FAN1: variants seen among roughly 807,000 people sequenced by gnomAD.
The protein encoded by FAN1 is FANCD2 and FANCI associated nuclease 1.
FAN1 carries 91 observed loss-of-function variants against 104.9 expected under a neutral mutation model. The ratio of observed to expected loss-of-function variants is 0.87; its 90% CI spans 0.73 to 1.03. The LOEUF (loss-of-function observed/expected upper bound fraction) is 1.03. Among genes scored for constraint, FAN1 ranks in the 50% least tolerant of loss-of-function variants. The probability of loss-of-function intolerance (pLI) is 0.00; values close to 1 mark genes in which losing one functional copy is unlikely to be tolerated. For synonymous variants in FAN1, 478 were observed against 457.6 expected, an observed-to-expected ratio of 1.04 and a Z score of -0.57; for missense variants, 1,263 against 1,239.9, an observed-to-expected ratio of 1.02 and a Z score of -0.28.
chr15:30,925,900 C>G lies in FAN1; in HGVS notation c.2449C>G (p.Leu817Val), dbSNP rs1161081580. The change falls in exon 10 of 15, where the codon CTG (leucine) becomes GTG (valine). Residue 817 changes from leucine to valine, a missense_variant. Leu to Val is a conservative substitution (Grantham distance 32). Transcript: ENST00000362065. ...CACGGTCCTGTGCTCTGTGGAGGAG[C>G]TGGCACTGGCCCATTACAGACGCAG... ...PTTVLCSVEE[L>V]ALAHYRRSGF... 6.2e-7 allele frequency: 1 copy of G among 1,614,230 alleles called. No individual in the cohort carries two copies. Among genetic ancestry groups the G allele is most frequent in the Admixed American group, 1.7e-5 (1 of 60,036 alleles).
At chr15:30,939,729 G>A (rs1355408821) in intron 14 of FAN1, 1 of 980,724 alleles carries the variant, frequency 1.0e-6, no homozygotes, top group Admixed American at 6.2e-5. Flanking sequence ...TAATAAAAAA[G>A]CAGCTAAATG....
chr15:30,925,758 G>A, intron 9 of FAN1, 31 bp from the exon 10 acceptor site: 2 of 1,612,738 alleles, frequency 1.2e-6, no homozygotes, highest in Non-Finnish European at 1.7e-6. Flanking sequence ...CTGACCTGAG[G>A]CTAATAGATG....
At chr15:30,941,129 TGCTGCCTGGG>T (rs2063033276) in intron 14 of FAN1, 1 of 1,271,674 alleles carries the variant, frequency 7.9e-7, no homozygotes, top group Non-Finnish European at 1.0e-6. Flanking sequence ...TCCTGTTGTC[TGCTGCCTGGG>T]GCTGCTAATG....
At chr15:30,913,711 C>T in intron 4 of FAN1, 147 bp from the exon 5 acceptor site, 1 of 616,542 alleles carries the variant, frequency 1.6e-6, no homozygotes, top group Non-Finnish European at 2.8e-6. Flanking sequence ...CCTGGGTGAG[C>T]TCTCAGCCCC....
rs775719486 is a variant in FAN1 at position 30,910,801 on chromosome 15, A to C, written c.1563A>C (p.Ala521=). 7 of 1,613,680 alleles carry C rather than the reference A, an allele frequency of 4.3e-6. No homozygotes were observed. Among genetic ancestry groups the C allele is most frequent in the Non-Finnish European group, 5.9e-6 (7 of 1,179,802 alleles). Reference sequence around the variant, plus strand: ...GCAAGAATAAGCCTGGAATTGGTGCAGTGATTTTAAAAAGGTTTTGTTGGC... The same window carrying C: ...GCAAGAATAAGCCTGGAATTGGTGCCGTGATTTTAAAAAGGTTTTGTTGGC... ...TWGKNKPGIG[A]VILKRAKALA... The change falls in exon 4 of 15, where the codon GCA becomes GCC. Residue 521 remains alanine (A), a synonymous_variant. Coordinates refer to ENST00000362065, the MANE Select transcript of FAN1 (RefSeq NM_014967.5).
Position 30,904,876 on chromosome 15 carries a change from A to G in FAN1, c.213A>G (p.Gln71=). Residue 71 remains glutamine, a synonymous_variant, in exon 2 of 15, where the codon CAA becomes CAG. Coordinates refer to ENST00000362065, the MANE Select transcript of FAN1 (RefSeq NM_014967.5). ...TGTGTGCTAACAATGACTTCGTTCA[A>G]GTGGATCCAGGGCAGGTTGGCTTAA... ...DEMCANNDFV[Q]VDPGQVGLIN... 1 of 1,613,794 alleles carries G rather than the reference A, an allele frequency of 6.2e-7. No homozygotes were observed. Among genetic ancestry groups the G allele is most frequent in the Non-Finnish European group, 8.5e-7 (1 of 1,179,734 alleles).
rs371260170 is a variant in FAN1 at position 30,941,806 on chromosome 15, G to A, written c.*244G>A. The A allele has an allele frequency of 1.4e-5, 23 of 1,613,898 alleles. No homozygotes were observed. The highest frequency in any genetic ancestry group is 9.3e-5 in the African/African-American group (7 of 74,926). ...AGCCACCCAGGCTGATCTGGGCCTC[G>A]GGAACCCAGCGGAAGTAGCACAGTT... On this transcript the variant is annotated 3_prime_UTR_variant, in exon 15 of 15. Transcript: ENST00000362065.
At chr15:30,941,164 A>C in intron 14 of FAN1, 1 of 1,319,448 alleles carries the variant, frequency 7.6e-7, no homozygotes, top group Non-Finnish European at 9.9e-7. Context: ...TGACTATCAG[A>C]TAGCCTTCAG....
In FAN1 at chr15:30,925,222, T is replaced by A; in HGVS notation, c.2268T>A (p.Ser756=). 6.2e-7 allele frequency: 1 copy of A among 1,614,060 alleles called. No homozygotes were observed. Among genetic ancestry groups the A allele is most frequent in the Non-Finnish European group, 8.5e-7 (1 of 1,180,026 alleles). ...LYQRAVRLRE[S]PSCKKFKHLF... Reference sequence around the variant, plus strand: ...AGCGAGCCGTGCGCCTGCGAGAGTCTCCGAGCTGTAAAAAGTTCAAGCACC... The same window carrying A: ...AGCGAGCCGTGCGCCTGCGAGAGTCACCGAGCTGTAAAAAGTTCAAGCACC... Residue 756 remains serine (S), a synonymous_variant, in exon 9 of 15, where the codon TCT becomes TCA. Coordinates refer to ENST00000362065, the MANE Select transcript of FAN1 (RefSeq NM_014967.5).
At chr15:30,936,355 A>AG (rs1326482167) in intron 13 of FAN1, among the ~76,000 whole-genome samples, 1 of 152,182 alleles carries the variant, frequency 6.6e-6, no homozygotes, top group Admixed American at 6.5e-5. Context: ...AACAGCAAGT[A>AG]GCAAGTGGAA....
chr15:30,935,845 T>G (rs950683592), intron 13 of FAN1, among the ~76,000 whole-genome samples: 7 of 152,248 alleles, frequency 4.6e-5, no homozygotes. Flanking sequence ...ATCTTTTTTT[T>G]TCCTCTGGCT....
In FAN1 at chr15:30,929,936, A is replaced by G. The variant is rs1205735268; in HGVS notation, c.2787+539A>G. Among the ~76,000 whole-genome samples, 144 of 117,664 alleles carry G rather than the reference A, an allele frequency of 1.2e-3. 1 individual carries two copies. The highest frequency in any genetic ancestry group is 2.0e-3 in the Non-Finnish European group (127 of 62,046). The allele number at this position is 117,664 out of a possible 152,430, so 77.2% of individuals were successfully genotyped here. ...TAATATATATCATATATAATATATA[A>G]AATATATAATATAATATATATCATA... On this transcript the variant is annotated intron_variant, in intron 12 of 14. Coordinates refer to ENST00000362065, the MANE Select transcript of FAN1 (RefSeq NM_014967.5).
At position 30,904,933 on chromosome 15, in the gene FAN1, C is replaced by T; in HGVS notation, c.270C>T (p.Thr90=). 1 of 1,613,980 alleles carries T rather than the reference C, an allele frequency of 6.2e-7. No homozygotes were observed. Among genetic ancestry groups the T allele is most frequent in the Non-Finnish European group, 8.5e-7 (1 of 1,180,002 alleles). The change falls in exon 2 of 15, where the codon ACC becomes ACT. Residue 90 remains threonine (T), a synonymous_variant. Transcript: ENST00000362065. ...CAAATGTGTCTATGGTAGATTTAAC[C>T]AGTGTTACCTTAGAAGATGTAACAC... ...INSNVSMVDL[T]SVTLEDVTPK...
intron 4 of FAN1, chr15:30,911,065 T>C (rs2062091065): frequency 1.6e-6 from 2 of 1,225,922 alleles, no homozygotes; most frequent in Non-Finnish European, 2.0e-6. Flanking sequence ...TGGTAAATTG[T>C]AGTATTTTAT....
At chr15:30,936,950 G>C (rs2062871784) in intron 13 of FAN1, among the ~76,000 whole-genome samples, 169 bp from the exon 14 acceptor site, 1 of 152,092 alleles carries the variant, frequency 6.6e-6, no homozygotes, top group Non-Finnish European at 1.5e-5. Flanking sequence ...AAAATCCTAA[G>C]GTGAACCATT....
chr15:30,926,675 A>C, intron 10 of FAN1: 1 of 985,398 alleles, frequency 1.0e-6, no homozygotes, highest in South Asian at 4.7e-5. Flanking sequence ...GTAGGCCTGA[A>C]ATGGTTAGAA....
chr15:30,929,488 G>A (rs2062558626), intron 12 of FAN1, 91 bp downstream of exon 12: 10 of 859,770 alleles, frequency 1.2e-5, no homozygotes, highest in African/African-American at 3.6e-5. Flanking sequence ...ATACACATGT[G>A]TGTATATGTA....
intron 12 of FAN1, among the ~76,000 whole-genome samples, chr15:30,929,949 A>G (rs1481627241): frequency 8.3e-6 from 1 of 120,424 alleles, no homozygotes; most frequent in Middle Eastern, 3.9e-3. Flanking sequence ...TATATAATAT[A>G]ATATATATCA....
At chr15:30,925,339 G>GT in intron 9 of FAN1, 48 bp downstream of exon 9, 1 of 1,556,614 alleles carries the variant, frequency 6.4e-7, no homozygotes, top group Non-Finnish European at 8.7e-7. Context: ...CGTGTACCTG[G>GT]TTTTTTTGGA....
Sources: allele counts gnomAD v4.1 joint callset (sites outside exome capture counted in the v4.1 genomes callset), GRCh38; gene constraint gnomAD v4.1.1; transcripts MANE v1.5; gene names NCBI Gene and HGNC (gene_info 2026-07-23, HGNC 2026-07-21).